The following TSPEAR variants were observed in gnomAD, a reference collection of about 807,000 sequenced individuals.
The protein encoded by TSPEAR is thrombospondin-type laminin G domain and EAR repeat-containing protein.
TSPEAR carries 69 observed loss-of-function variants against 71.6 expected under a neutral mutation model. The observed-to-expected ratio is 0.96, with a 90% confidence interval of 0.79 to 1.18. The LOEUF (loss-of-function observed/expected upper bound fraction) is 1.18. Among genes scored for constraint, TSPEAR ranks in the 50% most tolerant of loss-of-function variants. The pLI, the probability that TSPEAR is intolerant of heterozygous loss-of-function variation, is 0.00. For synonymous variants in TSPEAR, 402 were observed against 387.2 expected (o/e 1.04, Z -0.45); for missense variants, 971 against 894.9 (o/e 1.09, Z -1.09).
At chr21:44,502,806 G>A (rs1030674268) in intron 11 of TSPEAR, among the ~76,000 whole-genome samples, 1 of 149,772 alleles carries the variant, frequency 6.7e-6, no homozygotes, top group Non-Finnish European at 1.5e-5. Context: ...GTGAGCCCCC[G>A]GGGGGAAGCA....
At chr21:44,707,300 G>GGT (rs1352842025) in intron 1 of TSPEAR, among the ~76,000 whole-genome samples, 11 of 133,472 alleles carry the variant, frequency 8.2e-5, no homozygotes, top group African/African-American at 3.0e-4. Context: ...AAGGACGCGG[G>GGT]GTGGGGGGGG....
intron 1 of TSPEAR, among the ~76,000 whole-genome samples, chr21:44,708,351 C>G (rs1988048048): frequency 1.3e-5 from 2 of 152,132 alleles, no homozygotes; most frequent in African/African-American, 4.8e-5. Flanking sequence ...CGCTGGCACA[C>G]AGCCTTCCAG....
rs970631749 is a variant in TSPEAR at position 44,533,545 on chromosome 21, C to T, written c.542+140G>A. ...GCCCCGTGGATGGCTCCTGCCCCTC[C>T]ACCCCATGGCTCCTGACCCTGGTCA... is the stretch of plus-strand genomic sequence containing the variant. On this transcript the variant is annotated intron_variant, in intron 3 of 11. Transcript: ENST00000323084. The T allele has an allele frequency of 6.9e-6, 5 of 723,314 alleles. No homozygotes were observed. The African/African-American group carries it at 8.8e-5, about 13-fold the overall frequency. The allele number at this position is 723,314 out of a possible 1,614,324, so 44.8% of individuals were successfully genotyped here.
chr21:44,529,887 T>C lies in TSPEAR; in HGVS notation c.701A>G (p.Asn234Ser). 6.2e-7 allele frequency: 1 copy of C among 1,613,348 alleles called. No homozygotes were observed. Among genetic ancestry groups the C allele is most frequent in the African/African-American group, 1.3e-5 (1 of 75,032 alleles). The change falls in exon 5 of 12, where the codon AAC (asparagine) becomes AGC (serine). Residue 234 changes from asparagine to serine, a missense_variant. Coordinates refer to ENST00000323084, the MANE Select transcript of TSPEAR (RefSeq NM_144991.3). ...DATPRLCPSRNAPLAVLSIPR... is the reference protein window; with the variant it reads ...DATPRLCPSRSAPLAVLSIPR... Reference sequence around the variant, plus strand: ...GATGGACAGCACCGCCAGCGGGGCGTTCCTGCTGGGACACAGCCTTGGGGT... The same window carrying C: ...GATGGACAGCACCGCCAGCGGGGCGCTCCTGCTGGGACACAGCCTTGGGGT...
chr21:44,660,381 G>A (rs1985422049), intron 1 of TSPEAR, among the ~76,000 whole-genome samples: 2 of 152,170 alleles, frequency 1.3e-5, no homozygotes, highest in Non-Finnish European at 2.9e-5. Context: ...AATCTTGAAA[G>A]CATCAATATT....
chr21:44,558,377 G>A, intron 2 of TSPEAR: 1 of 1,613,572 alleles, frequency 6.2e-7, no homozygotes, highest in Non-Finnish European at 8.5e-7. Context: ...GCTTGCAGCA[G>A]ACGGGCACAC....
intron 1 of TSPEAR, among the ~76,000 whole-genome samples, chr21:44,639,313 G>A (rs782415034): frequency 5.3e-5 from 8 of 152,194 alleles, no homozygotes; most frequent in African/African-American, 1.2e-4. Flanking sequence ...CCGCCAGGTC[G>A]CTGTGCGCAT....
intron 1 of TSPEAR, chr21:44,646,531 A>G: frequency 1.2e-6 from 2 of 1,612,538 alleles, no homozygotes; most frequent in Non-Finnish European, 1.7e-6. Flanking sequence ...CTGCCCAGAG[A>G]GCTGCTGTGA....
At position 44,612,204 on chromosome 21, in the gene TSPEAR, C is replaced by T. The variant is rs371101417; in HGVS notation, c.83-44199G>A. On this transcript the variant is annotated intron_variant, in intron 1 of 11. Transcript: ENST00000323084. The surrounding 1 kb of genome is among the most constrained non-coding windows in gnomAD (Gnocchi z 4.1). ...GTCAGCCGAGTCTCCTCCCCCAGCA[C>T]CTGCACTGGCTCCTCCTGGCAGGTG... 14 of 1,613,890 alleles carry T rather than the reference C, an allele frequency of 8.7e-6. No individual in the cohort carries two copies. The highest frequency in any genetic ancestry group is 1.1e-5 in the Non-Finnish European group (13 of 1,180,014).
intron 1 of TSPEAR, among the ~76,000 whole-genome samples, chr21:44,599,747 A>T (rs1303834757): frequency 6.6e-6 from 1 of 152,266 alleles, no homozygotes; most frequent in Non-Finnish European, 1.5e-5. Context: ...AGAAATGGAG[A>T]CTTAGATCAG....
intron 10 of TSPEAR, chr21:44,508,687 C>T (rs147064169): frequency 0.012 from 14,753 of 1,215,372 alleles, 104 homozygotes; most frequent in Non-Finnish European, 0.014. Context: ...CATACAGACC[C>T]ACCCTCCATG....
intron 1 of TSPEAR, among the ~76,000 whole-genome samples, chr21:44,590,663 G>A (rs1373859417): frequency 1.3e-5 from 2 of 152,180 alleles, no homozygotes; most frequent in Admixed American, 1.3e-4. Flanking sequence ...GTCTCCCCAG[G>A]GGTAACAGGA....
chr21:44,501,155 A>C lies in TSPEAR; in HGVS notation c.1857-1219T>G, dbSNP rs587676414. On this transcript the variant is annotated intron_variant, in intron 11 of 11. Transcript: ENST00000323084. ...CCCATCCTTTTCTCATTGCCTTCAAATATAGCATTTATGGCCGGGCGGGGT... is the reference window on the plus strand; with the variant it reads ...CCCATCCTTTTCTCATTGCCTTCAACTATAGCATTTATGGCCGGGCGGGGT... 1.5e-4 allele frequency among the ~76,000 whole-genome samples: 23 copies of C among 152,388 alleles called. 2 individuals carry two copies. In the South Asian group the frequency reaches 4.8e-3, roughly 32 times the overall value.
At chr21:44,588,748 TATATATATGTATG>T (rs1555926014) in intron 1 of TSPEAR, among the ~76,000 whole-genome samples, 1 of 2,548 alleles carries the variant, frequency 3.9e-4, no homozygotes, top group African/African-American at 1.9e-3. Context: ...ATATATATGT[TATATATATGTATG>T]TGTGTATATA....
At chr21:44,600,965 G>A in intron 1 of TSPEAR, 1 of 1,612,188 alleles carries the variant, frequency 6.2e-7, no homozygotes, top group Non-Finnish European at 8.5e-7. Context: ...CCCGTCTGCT[G>A]CAAGACTGTC....
intron 1 of TSPEAR, among the ~76,000 whole-genome samples, chr21:44,658,733 A>G (rs1555943102): frequency 1.3e-5 from 2 of 152,188 alleles, no homozygotes; most frequent in Admixed American, 1.3e-4. Flanking sequence ...GTGGGGTAAT[A>G]AGATGTTGGG....
intron 8 of TSPEAR, among the ~76,000 whole-genome samples, chr21:44,522,437 C>T (rs1420132047): frequency 1.3e-5 from 2 of 152,226 alleles, no homozygotes; most frequent in Non-Finnish European, 2.9e-5. Context: ...GCCCACGGCT[C>T]TCCAGCATCC....
Position 44,533,908 on chromosome 21 carries a change from G to GCAGGT in TSPEAR, c.314_318dup (p.Leu107ThrfsTer3). On this transcript the variant is annotated frameshift_variant, in exon 3 of 12. Coordinates refer to ENST00000323084, the MANE Select transcript of TSPEAR (RefSeq NM_144991.3). LOFTEE classifies it high-confidence loss of function. ...TCGCTCTCCTCTGCCACCACCGTCA[G>GCAGGT]CAGGTACTCGTTCCTCTGTGGAGAG... 6.2e-7 allele frequency: 1 copy of GCAGGT among 1,611,452 alleles called. No homozygotes were observed. The highest frequency in any genetic ancestry group is 8.5e-7 in the Non-Finnish European group (1 of 1,179,474).
At chr21:44,647,518 T>A in intron 1 of TSPEAR, 3 of 855,358 alleles carry the variant, frequency 3.5e-6, no homozygotes, top group African/African-American at 3.4e-5. Context: ...CCCCACTGTC[T>A]GGGAAGAGAC....
Sources: allele counts gnomAD v4.1 joint callset (sites outside exome capture counted in the v4.1 genomes callset), GRCh38; gene constraint gnomAD v4.1.1; non-coding constraint Gnocchi (gnomAD v3.1); transcripts MANE v1.5; gene names NCBI Gene and HGNC (gene_info 2026-07-23, HGNC 2026-07-21).